The following EPAS1 variants were observed in gnomAD, a reference collection of about 807,000 sequenced individuals.
The protein encoded by EPAS1 is endothelial PAS domain-containing protein 1.
In EPAS1, 23 loss-of-function variants were observed where a neutral mutation model predicts 87.9. The observed-to-expected ratio is 0.26, with a 90% CI of 0.19 to 0.37. EPAS1 has a LOEUF of 0.37. Among genes scored for constraint, EPAS1 ranks in the 10% least tolerant of loss-of-function variants. EPAS1 has a pLI of 1.00. For missense variants in EPAS1, 1,138 were observed against 1,120.7 expected (o/e 1.02, Z -0.22); for synonymous variants, 508 against 444.3 (o/e 1.14, Z -1.80).
At chr2:46,328,732 G>A (rs115031626) in intron 1 of EPAS1, among the ~76,000 whole-genome samples, 3,758 of 152,286 alleles carry the variant, frequency 0.025, 88 homozygotes, top group Admixed American at 0.041. Context: ...AGAACAGTGG[G>A]GAGGACAGAT....
chr2:46,345,564 C>T (rs116613875), intron 1 of EPAS1, among the ~76,000 whole-genome samples: 5 of 151,978 alleles, frequency 3.3e-5, no homozygotes, highest in Non-Finnish European at 7.4e-5. Context: ...GGGGCAGTTT[C>T]CTCATATGTA....
chr2:46,346,951 T>C lies in EPAS1; in HGVS notation c.105T>C (p.Tyr35=). The change falls in exon 2 of 16, where the codon TAT becomes TAC. Residue 35 remains tyrosine (Y), a synonymous_variant. Coordinates refer to ENST00000263734, the MANE Select transcript of EPAS1 (RefSeq NM_001430.5). This position sits in a 1 kb window ranked among gnomAD's most constrained non-coding sequence, Gnocchi z 4.0. ...CRRSKETEVF[Y]ELAHELPLPH... is the part of the protein sequence containing the mutation. ...GGAGCAAGGAGACGGAGGTGTTCTA[T>C]GAGCTGGCCCATGAGCTGCCTCTGC... The C allele has an allele frequency of 6.2e-7, 1 of 1,614,066 alleles. No individual in the cohort carries two copies. Among genetic ancestry groups the C allele is most frequent in the East Asian group, 2.2e-5 (1 of 44,876 alleles).
At chr2:46,348,077 C>T (rs2103617427) in intron 2 of EPAS1, among the ~76,000 whole-genome samples, 1 of 152,234 alleles carries the variant, frequency 6.6e-6, no homozygotes, top group Non-Finnish European at 1.5e-5. Context: ...AGAGGGAATC[C>T]AGTGTGAGGC....
chr2:46,348,583 G>C (rs1298958901), intron 2 of EPAS1, among the ~76,000 whole-genome samples: 2 of 152,174 alleles, frequency 1.3e-5, no homozygotes, highest in African/African-American at 2.4e-5. Flanking sequence ...TTGAGATTTT[G>C]CTCTTAGACA....
intron 4 of EPAS1, among the ~76,000 whole-genome samples, chr2:46,358,941 G>T (rs1440662067): frequency 6.6e-6 from 1 of 152,136 alleles, no homozygotes; most frequent in East Asian, 1.9e-4. Context: ...CAGGGGTGGA[G>T]TGATCTGTGT....
rs1684790527 is a variant in EPAS1 at position 46,377,844 on chromosome 2, G to A, written c.1250-50G>A. On this transcript the variant is annotated intron_variant, in intron 9 of 15. Transcript: ENST00000263734. ...GTTTTTGGGCCTCCTCTGCCTTGGG[G>A]TGAGCCCGATGGTTGTGGGTGTTCA... 3.2e-6 allele frequency: 5 copies of A among 1,551,568 alleles called. No individual in the cohort carries two copies. In the East Asian group the frequency reaches 7.3e-5, roughly 23 times the overall value.
At chr2:46,368,893 G>A (rs949477401) in intron 6 of EPAS1, among the ~76,000 whole-genome samples, 2 of 152,150 alleles carry the variant, frequency 1.3e-5, no homozygotes, top group Admixed American at 6.5e-5. Flanking sequence ...TGGGTAAAGC[G>A]GCCAACCTGG....
intron 1 of EPAS1, among the ~76,000 whole-genome samples, chr2:46,317,472 A>G (rs537364102): frequency 2.0e-5 from 3 of 152,336 alleles, no homozygotes; most frequent in South Asian, 2.1e-4. Flanking sequence ...TGCATTGACA[A>G]CGAGCACATA....
At chr2:46,359,892 C>T (rs530902025) in intron 4 of EPAS1, among the ~76,000 whole-genome samples, 5 of 152,104 alleles carry the variant, frequency 3.3e-5, no homozygotes, top group Non-Finnish European at 5.9e-5. Context: ...GGTTCTGAAT[C>T]GGGAGGCTGT....
rs756550228 is a variant in EPAS1, at chr2:46,360,948, G to A, written c.637G>A (p.Gly213Ser). 6.2e-7 allele frequency: 1 copy of A among 1,614,218 alleles called. No homozygotes were observed. The highest frequency in any genetic ancestry group is 8.5e-7 in the Non-Finnish European group (1 of 1,180,038). Residue 213 changes from glycine (G) to serine (S), a missense_variant, in exon 6 of 16, where the codon GGC becomes AGC. Gly to Ser is a moderately conservative substitution (Grantham distance 56). Coordinates refer to ENST00000263734, the MANE Select transcript of EPAS1 (RefSeq NM_001430.5). This position sits in a 1 kb window ranked among gnomAD's most constrained non-coding sequence, Gnocchi z 4.5. ...CTGCCCTCCTCACAATAGTCTGTGT[G>A]GCTACAAGGAGCCCCTGCTGTCCTG... ...NNCPPHNSLC[G>S]YKEPLLSCLI...
chr2:46,349,195 G>A (rs1488268478), intron 2 of EPAS1, among the ~76,000 whole-genome samples: 1 of 152,204 alleles, frequency 6.6e-6, no homozygotes, highest in Non-Finnish European at 1.5e-5. Flanking sequence ...GGGGGCCAGC[G>A]TGATGGGGAG....
intron 1 of EPAS1, among the ~76,000 whole-genome samples, chr2:46,310,656 G>A (rs563790162): frequency 6.6e-6 from 1 of 152,320 alleles, no homozygotes; most frequent in African/African-American, 2.4e-5. Context: ...CCTTTCCCCT[G>A]GAGGAATTTA....
intron 1 of EPAS1, among the ~76,000 whole-genome samples, chr2:46,313,375 C>T (rs370659837): frequency 6.6e-6 from 1 of 152,134 alleles, no homozygotes; most frequent in East Asian, 1.9e-4. Flanking sequence ...ATTTTCTCAC[C>T]TCCTTTAGTT....
intron 14 of EPAS1, 78 bp from the exon 15 acceptor site, chr2:46,382,347 A>G: frequency 2.5e-6 from 4 of 1,568,642 alleles, no homozygotes; most frequent in South Asian, 1.1e-5. Flanking sequence ...TTTATAAAGG[A>G]AAGGGATGCT....
At chr2:46,345,179 T>TATA (rs1163433167) in intron 1 of EPAS1, among the ~76,000 whole-genome samples, 5 of 152,318 alleles carry the variant, frequency 3.3e-5, no homozygotes, top group African/African-American at 1.2e-4. Context: ...AGGGTCTCAC[T>TATA]ATATTGCCCG....
At chr2:46,306,765 C>T (rs148846329) in intron 1 of EPAS1, among the ~76,000 whole-genome samples, 60 of 152,268 alleles carry the variant, frequency 3.9e-4, no homozygotes, top group Admixed American at 1.0e-3. Context: ...CTTCCTTCTG[C>T]ATTTCAAGAC....
At position 46,369,952 on chromosome 2, in the gene EPAS1, C is replaced by A; in HGVS notation, c.886+19C>A. ...CAGAACTGTGAGTTCCAGGAGTGCC[C>A]CTTGTGGCTTCCTTGTGTCTGTGGT... On this transcript the variant is annotated intron_variant, in intron 7 of 15. Transcript: ENST00000263734. The A allele has an allele frequency of 6.3e-7, 1 of 1,581,680 alleles. No individual in the cohort carries two copies. Among genetic ancestry groups the A allele is most frequent in the Non-Finnish European group, 8.7e-7 (1 of 1,155,170 alleles).
chr2:46,337,991 A>T (rs1334908600), intron 1 of EPAS1, among the ~76,000 whole-genome samples: 1 of 152,188 alleles, frequency 6.6e-6, no homozygotes, highest in Non-Finnish European at 1.5e-5. Flanking sequence ...TCCCAGACCA[A>T]GTGTATGTTT....
Position 46,304,123 on chromosome 2 carries a change from G to T in EPAS1, c.26+6186G>T, listed in dbSNP as rs1683063031. On this transcript the variant is annotated intron_variant, in intron 1 of 15. Transcript: ENST00000263734. ...AAACAGTTATTTGGATGACCTTCAT[G>T]TTCTAGGAATGTATGTGGTCTTAAT... is the stretch of plus-strand genomic sequence containing the variant. Among the ~76,000 whole-genome samples the T allele has an allele frequency of 2.0e-5, 3 of 152,174 alleles. No homozygotes were observed. In the South Asian group the frequency reaches 6.2e-4, roughly 32 times the overall value.
Sources: allele counts gnomAD v4.1 joint callset (sites outside exome capture counted in the v4.1 genomes callset), GRCh38; gene constraint gnomAD v4.1.1; non-coding constraint Gnocchi (gnomAD v3.1); transcripts MANE v1.5; gene names NCBI Gene and HGNC (gene_info 2026-07-23, HGNC 2026-07-21).